The following CDH1 variants were observed in gnomAD, a reference collection of about 807,000 sequenced individuals.
The protein encoded by CDH1 is cadherin 1.
In CDH1, 35 loss-of-function variants were observed where a neutral mutation model predicts 84.5. That is an observed-to-expected ratio of 0.41 (90% CI 0.32 to 0.55). The LOEUF (loss-of-function observed/expected upper bound fraction) is 0.55, where lower values mean the gene tolerates loss of function less well. Among genes scored for constraint, CDH1 ranks in the 20% least tolerant of loss-of-function variants. CDH1 has a pLI of 0.19. For synonymous variants in CDH1, 417 were observed against 439.0 expected (o/e 0.95, Z 0.63); for missense variants, 994 against 1,126.6 (o/e 0.88, Z 1.68).
rs786202657 is a variant in CDH1 at position 68,738,317 on chromosome 16, G to A, written c.69G>A (p.Gln23=). ...CCCAGGTCTCCTCTTGGCTCTGCCAGGAGCCGGAGCCCTGCCACCCTGGCT... is the reference window on the plus strand; with the variant it reads ...CCCAGGTCTCCTCTTGGCTCTGCCAAGAGCCGGAGCCCTGCCACCCTGGCT... ...LLLQVSSWLC[Q]EPEPCHPGFD... The change falls in exon 2 of 16, where the codon CAG becomes CAA. Residue 23 remains glutamine, a synonymous_variant. Transcript: ENST00000261769. 5 of 1,551,096 alleles carry A rather than the reference G, an allele frequency of 3.2e-6. No homozygotes were observed. The highest frequency in any genetic ancestry group is 4.4e-6 in the Non-Finnish European group (5 of 1,146,504).
chr16:68,783,073 T>C (rs1959927964), intron 2 of CDH1, among the ~76,000 whole-genome samples: 1 of 151,854 alleles, frequency 6.6e-6, no homozygotes, highest in Non-Finnish European at 1.5e-5. Context: ...TGAACACCCA[T>C]CCCTCCTTTG....
intron 3 of CDH1, among the ~76,000 whole-genome samples, chr16:68,806,559 A>C (rs1181835088): frequency 6.6e-6 from 1 of 152,162 alleles, no homozygotes; most frequent in Non-Finnish European, 1.5e-5. Context: ...CATCTCCATC[A>C]TTACCTTTAT....
At chr16:68,740,148 T>G (rs1019713448) in intron 2 of CDH1, among the ~76,000 whole-genome samples, 5 of 152,080 alleles carry the variant, frequency 3.3e-5, no homozygotes, top group African/African-American at 4.8e-5. Flanking sequence ...TTTACTTGAT[T>G]GGGTATCACA....
In CDH1 at chr16:68,811,560, ACT is replaced by A. The variant is rs1960830059; in HGVS notation, c.833-121_833-120del. On this transcript the variant is annotated intron_variant, in intron 6 of 15. Coordinates refer to ENST00000261769, the MANE Select transcript of CDH1 (RefSeq NM_004360.5). ...TGGTAAGAATTCTAGGAATTAGGGA[ACT>A]CTGACACGGTACCACCCCCATGTCC... is the stretch of plus-strand genomic sequence containing the variant. The A allele has an allele frequency of 4.9e-6, 4 of 811,046 alleles. No homozygotes were observed. In the Admixed American group the frequency reaches 5.9e-5, roughly 12 times the overall value. 50.2% of individuals were successfully genotyped at this position (811,046 alleles called of 1,614,324 possible). A position where few individuals can be genotyped will look rare whatever the true frequency, so the allele number is the denominator to read the frequency against.
At chr16:68,811,576 A>G in intron 6 of CDH1, 108 bp from the exon 7 acceptor site, 2 of 949,272 alleles carry the variant, frequency 2.1e-6, no homozygotes, top group Admixed American at 3.6e-5. Flanking sequence ...ACACGGTACC[A>G]CCCCCATGTC....
chr16:68,823,290 C>G, intron 12 of CDH1, 109 bp from the exon 13 acceptor site: 3 of 782,310 alleles, frequency 3.8e-6, no homozygotes, highest in Middle Eastern at 3.5e-4. Flanking sequence ...CAGCTCTGCT[C>G]TCTTCACTCG....
At chr16:68,759,469 T>C (rs1963103148) in intron 2 of CDH1, among the ~76,000 whole-genome samples, 2 of 151,924 alleles carry the variant, frequency 1.3e-5, no homozygotes, top group Non-Finnish European at 2.9e-5. Context: ...ACTATGGCAA[T>C]TCCATTTTCT....
At chr16:68,828,847 G>A (rs35955176) in intron 14 of CDH1, among the ~76,000 whole-genome samples, 20,910 of 152,068 alleles carry the variant, frequency 0.14, 1,460 homozygotes, top group African/African-American at 0.16. Flanking sequence ...TTATAGAAAG[G>A]GATCCATGGG....
In CDH1 at chr16:68,808,406, C is replaced by A. The variant is rs1555515167; in HGVS notation, c.388-18C>A. 1 of 1,614,068 alleles carries A rather than the reference C, an allele frequency of 6.2e-7. No individual in the cohort carries two copies. On this transcript the variant is annotated intron_variant, in intron 3 of 15. Coordinates refer to ENST00000261769, the MANE Select transcript of CDH1 (RefSeq NM_004360.5). ...TCTTGAATTGTCTTATCTTGTTCCT[C>A]ATCTTCTTTCCTTTTAGGCCTCCGT... is the stretch of plus-strand genomic sequence containing the variant.
At position 68,799,033 on chromosome 16, in the gene CDH1, C is replaced by T. The variant is rs561936293; in HGVS notation, c.164-2637C>T. Among the ~76,000 whole-genome samples the T allele has an allele frequency of 6.6e-5, 10 of 152,312 alleles. No individual in the cohort carries two copies. In the South Asian group the frequency reaches 2.1e-3, roughly 32 times the overall value. On this transcript the variant is annotated intron_variant, in intron 2 of 15. Coordinates refer to ENST00000261769, the MANE Select transcript of CDH1 (RefSeq NM_004360.5). ...TCATCCCATTCACTGTCTTGGTCTT[C>T]ACAAAACCCTAAAGAGGTAGACTCA...
rs997497578 is a variant in CDH1, at chr16:68,737,317, T to A, written c.-99T>A. On this transcript the variant is annotated 5_prime_UTR_variant, in exon 1 of 16. Transcript: ENST00000261769. ...AGTGGCGTCGGAACTGCAAAGCACC[T>A]GTGAGCTTGCGGAAGTCAGTTCAGA... The A allele has an allele frequency of 1.2e-5, 12 of 1,021,312 alleles. No individual in the cohort carries two copies. The highest frequency in any genetic ancestry group is 1.7e-5 in the Non-Finnish European group (12 of 701,846). The allele number at this position is 1,021,312 out of a possible 1,614,324, so 63.3% of individuals were successfully genotyped here. A position where few individuals can be genotyped will look rare whatever the true frequency, so the allele number is the denominator to read the frequency against.
At chr16:68,749,029 G>A (rs1459021941) in intron 2 of CDH1, among the ~76,000 whole-genome samples, 2 of 152,156 alleles carry the variant, frequency 1.3e-5, no homozygotes, top group Admixed American at 6.5e-5. Flanking sequence ...ATAGAGACGG[G>A]ATTTCATCAG....
chr16:68,828,086 G>T (rs796165805), intron 13 of CDH1, 88 bp from the exon 14 acceptor site: 10 of 1,478,342 alleles, frequency 6.8e-6, no homozygotes, highest in Admixed American at 1.7e-5. Flanking sequence ...CCCCTGTCTG[G>T]TATGAGGGGT....
At chr16:68,795,771 CAGGCATG>C (rs1374071647) in intron 2 of CDH1, among the ~76,000 whole-genome samples, 2 of 150,466 alleles carry the variant, frequency 1.3e-5, no homozygotes, top group Non-Finnish European at 3.0e-5. Context: ...GCTGGGATTA[CAGGCATG>C]AGCCACCATG....
chr16:68,745,550 A>AAATATATATATATGTG (rs71253605), intron 2 of CDH1, among the ~76,000 whole-genome samples: 1 of 50,498 alleles, frequency 2.0e-5, no homozygotes, highest in Non-Finnish European at 3.3e-5. Context: ...AAAAAAAAAA[A>AAATATATATATATGTG]TATATATATA....
At chr16:68,768,805 T>C (rs1166476290) in intron 2 of CDH1, among the ~76,000 whole-genome samples, 1 of 152,218 alleles carries the variant, frequency 6.6e-6, no homozygotes, top group Non-Finnish European at 1.5e-5. Context: ...TTATCTTATA[T>C]GTTGTAATAT....
At chr16:68,805,588 T>C (rs938119981) in intron 3 of CDH1, among the ~76,000 whole-genome samples, 1 of 152,060 alleles carries the variant, frequency 6.6e-6, no homozygotes, top group African/African-American at 2.4e-5. Flanking sequence ...TGTTGTTTTG[T>C]TTGTTTGTTT....
At chr16:68,818,917 G>A (rs1961061169) in intron 10 of CDH1, among the ~76,000 whole-genome samples, 1 of 150,846 alleles carries the variant, frequency 6.6e-6, no homozygotes, top group South Asian at 2.1e-4. Context: ...GTGCAGTGGT[G>A]CAATCTCGGC....
At chr16:68,832,170 T>C (rs1831026040) in intron 15 of CDH1, among the ~76,000 whole-genome samples, 1 of 152,000 alleles carries the variant, frequency 6.6e-6, no homozygotes, top group South Asian at 2.1e-4. Flanking sequence ...AGATAACTAC[T>C]GGGTACTGGG....
Sources: gnomAD v4.1 joint callset for allele counts (sites outside exome capture counted in the v4.1 genomes callset) on GRCh38, gnomAD v4.1.1 for gene constraint, MANE v1.5 for transcripts, NCBI Gene and HGNC (gene_info 2026-07-23, HGNC 2026-07-21) for gene names.